Variants in SPRY3 observed in about 807,000 individuals in gnomAD.
SPRY3 encodes sprouty RTK signaling antagonist 3.
Under a neutral mutation model 20.2 loss-of-function variants are expected in SPRY3, and 15 were observed. The ratio of observed to expected loss-of-function variants is 0.74; its 90% CI spans 0.50 to 1.14. The LOEUF is 1.14. Among genes scored for constraint, SPRY3 ranks in the 50% most tolerant of loss-of-function variants. The pLI, the probability that SPRY3 is intolerant of heterozygous loss-of-function variation, is 0.00. For missense variants in SPRY3, 364 were observed against 363.9 expected, an observed-to-expected ratio of 1.00 and a Z score of 0.00; for synonymous variants, 143 against 136.5, an observed-to-expected ratio of 1.05 and a Z score of -0.33.
At chrX:155,728,837 T>C (rs2091115984) in intron 2 of SPRY3, among the ~76,000 whole-genome samples, 2 of 152,054 alleles carry the variant, frequency 1.3e-5, no homozygotes, top group Non-Finnish European at 2.9e-5. Flanking sequence ...CACTTCACCT[T>C]CAAACACACA....
At chrX:155,738,277 C>T (rs2091182025) in intron 2 of SPRY3, among the ~76,000 whole-genome samples, 3 of 151,910 alleles carry the variant, frequency 2.0e-5, no homozygotes, top group Admixed American at 2.0e-4. Context: ...AAAAAAAATG[C>T]TTGCAAGTCA....
At chrX:155,661,443 C>T (rs2068009585) in intron 2 of SPRY3, among the ~76,000 whole-genome samples, 1 of 111,200 alleles carries the variant, frequency 9.0e-6, no homozygotes, top group South Asian at 3.7e-4. Context: ...AGATGCTTCT[C>T]CCTTGCTGCT....
At chrX:155,708,399 C>G (rs2090964979) in intron 2 of SPRY3, among the ~76,000 whole-genome samples, 1 of 151,290 alleles carries the variant, frequency 6.6e-6, no homozygotes, top group Non-Finnish European at 1.5e-5. Context: ...CAGTCATTCC[C>G]TTATACATGA....
intron 2 of SPRY3, among the ~76,000 whole-genome samples, chrX:155,661,939 C>T (rs781805614): frequency 1.8e-5 from 2 of 111,594 alleles, no homozygotes; most frequent in Non-Finnish European, 1.9e-5. Flanking sequence ...CTATTTATAT[C>T]CTGAATTATT....
chrX:155,729,954 G>A (rs939179193), intron 2 of SPRY3, among the ~76,000 whole-genome samples: 5 of 152,036 alleles, frequency 3.3e-5, no homozygotes, highest in African/African-American at 7.2e-5. Flanking sequence ...GGAAAATCTA[G>A]AATAAATAGA....
At chrX:155,680,286 G>C (rs1303135663) in intron 2 of SPRY3, among the ~76,000 whole-genome samples, 1 of 107,663 alleles carries the variant, frequency 9.3e-6, no homozygotes, top group Non-Finnish European at 1.9e-5. Flanking sequence ...CTAGTATGGA[G>C]ACTAGTATAT....
At chrX:155,638,001 A>T (rs2067929005) in intron 1 of SPRY3, among the ~76,000 whole-genome samples, 1 of 102,845 alleles carries the variant, frequency 9.7e-6, no homozygotes, top group Non-Finnish European at 2.0e-5. Context: ...TAATTTAGCC[A>T]TTTTCATGGG....
intron 1 of SPRY3, among the ~76,000 whole-genome samples, chrX:155,648,660 A>G (rs1218323119): frequency 9.0e-6 from 1 of 111,475 alleles, no homozygotes; most frequent in Non-Finnish European, 1.9e-5. Flanking sequence ...TGGTCTATAT[A>G]TCTGTTTTGG....
intron 2 of SPRY3, among the ~76,000 whole-genome samples, chrX:155,761,249 A>C (rs2091302841): frequency 6.6e-6 from 1 of 152,150 alleles, no homozygotes; most frequent in African/African-American, 2.4e-5. Context: ...ATCTTTATTG[A>C]AACTCTCTCT....
chrX:155,772,434 C>G (rs1162946676), intron 3 of SPRY3, among the ~76,000 whole-genome samples: 1 of 152,148 alleles, frequency 6.6e-6, no homozygotes, highest in Non-Finnish European at 1.5e-5. Flanking sequence ...TTCTATTACT[C>G]ATTCAAGCTA....
chrX:155,771,920 G>A (rs907980416), intron 3 of SPRY3, among the ~76,000 whole-genome samples: 3 of 152,156 alleles, frequency 2.0e-5, no homozygotes, highest in African/African-American at 7.2e-5. Context: ...AAATTGTGTA[G>A]TTATAGAAAG....
chrX:155,665,489 T>C (rs2068021876), intron 2 of SPRY3, among the ~76,000 whole-genome samples: 1 of 111,124 alleles, frequency 9.0e-6, no homozygotes, highest in Non-Finnish European at 1.9e-5. Context: ...GCTAGCATGG[T>C]TCATTTATTC....
At chrX:155,706,918 C>A (rs1431339367) in intron 2 of SPRY3, among the ~76,000 whole-genome samples, 1 of 151,022 alleles carries the variant, frequency 6.6e-6, no homozygotes, top group East Asian at 1.9e-4. Flanking sequence ...ATGGGATGAT[C>A]TTTTAAAAGA....
downstream of SPRY3, chrX:155,780,166 C>G (rs774737123): frequency 8.4e-4 from 140 of 167,014 alleles, no homozygotes. Context: ...GTAATTCTAA[C>G]CCACACATTG....
chrX:155,674,606 C>A (rs969249734), intron 2 of SPRY3, among the ~76,000 whole-genome samples: 1 of 111,014 alleles, frequency 9.0e-6, no homozygotes, highest in Admixed American at 9.7e-5. Flanking sequence ...TACCTTCCTT[C>A]CTTTGCATAT....
chrX:155,707,136 T>C (rs1477255450), intron 2 of SPRY3, among the ~76,000 whole-genome samples: 2 of 151,130 alleles, frequency 1.3e-5, no homozygotes, highest in South Asian at 4.1e-4. Context: ...AAAGTATAAA[T>C]TTTTTTCCAA....
intron 2 of SPRY3, among the ~76,000 whole-genome samples, chrX:155,719,165 G>A (rs2091040533): frequency 6.6e-6 from 1 of 152,088 alleles, no homozygotes; most frequent in Admixed American, 6.5e-5. Flanking sequence ...CTGGGGGAGG[G>A]AGAGCCCAGT....
chrX:155,631,640 C>G (rs2067906830), intron 1 of SPRY3, among the ~76,000 whole-genome samples: 1 of 112,470 alleles, frequency 8.9e-6, no homozygotes, highest in Non-Finnish European at 1.9e-5. Context: ...AATAGCCATT[C>G]TGACTGTATA....
chrX:155,646,233 T>C (rs782519566), intron 1 of SPRY3, among the ~76,000 whole-genome samples: 6 of 112,144 alleles, frequency 5.4e-5, no homozygotes, highest in Non-Finnish European at 9.4e-5. Context: ...TTGATGCCTC[T>C]AGATTTGTTC....
Sources: gnomAD v4.1 joint callset for allele counts (sites outside exome capture counted in the v4.1 genomes callset) on GRCh38, gnomAD v4.1.1 for gene constraint, MANE v1.5 for transcripts, NCBI Gene and HGNC (gene_info 2026-07-23, HGNC 2026-07-21) for gene names.